CDH12: variants seen among roughly 807,000 people sequenced by gnomAD.
CDH12 encodes the protein cadherin 12, also known as cadherin-12.
In CDH12, 41 loss-of-function variants were observed where a neutral mutation model predicts 74.1. That is an observed-to-expected ratio of 0.55 (90% CI 0.43 to 0.72). CDH12 has a LOEUF of 0.72. CDH12 is among the 30% of genes least tolerant of loss of function. The probability of loss-of-function intolerance (pLI) is 0.00; values close to 1 mark genes in which losing one functional copy is unlikely to be tolerated. For synonymous variants in CDH12, 399 were observed against 355.0 expected, an observed-to-expected ratio of 1.12 and a Z score of -1.39; for missense variants, 945 against 977.2, an observed-to-expected ratio of 0.97 and a Z score of 0.44.
At chr5:22,314,360 G>T (rs896346472) in intron 3 of CDH12, among the ~76,000 whole-genome samples, 2 of 152,106 alleles carry the variant, frequency 1.3e-5, no homozygotes, top group African/African-American at 4.8e-5. Context: ...TTAAAAATGG[G>T]GCTTTTAGGG....
intron 1 of CDH12, among the ~76,000 whole-genome samples, chr5:22,595,220 T>C (rs530631047): frequency 1.2e-4 from 19 of 152,322 alleles, no homozygotes; most frequent in Non-Finnish European, 2.4e-4. Flanking sequence ...TTCATCTTTA[T>C]GATCAATTAA....
Position 22,680,129 on chromosome 5 carries a change from C to T in CDH12, c.-523+172929G>A, listed in dbSNP as rs565543141. Among the ~76,000 whole-genome samples, 4 of 152,132 alleles carry T rather than the reference C, an allele frequency of 2.6e-5. No individual in the cohort carries two copies. The South Asian group carries it at 8.3e-4, about 32-fold the overall frequency. ...GGGAAGGGAGAAGGGGCAGGATGGG[C>T]AACAAAGATTGTTTCTCTATTGGCT... On this transcript the variant is annotated intron_variant, in intron 1 of 14. Coordinates refer to ENST00000382254, the MANE Select transcript of CDH12 (RefSeq NM_004061.5).
intron 6 of CDH12, among the ~76,000 whole-genome samples, chr5:21,865,727 T>C (rs555550255): frequency 2.6e-5 from 4 of 152,242 alleles, no homozygotes; most frequent in African/African-American, 7.2e-5. Flanking sequence ...TGTAAGATCA[T>C]GGTAGCTTTC....
rs142522089 is a variant in CDH12 at position 22,616,222 on chromosome 5, T to C, written c.-522-110858A>G. Among the ~76,000 whole-genome samples, 361 of 152,124 alleles carry C rather than the reference T, an allele frequency of 2.4e-3. 3 individuals are homozygous for C. Among genetic ancestry groups the C allele is most frequent in the African/African-American group, 8.3e-3 (343 of 41,516 alleles). Reference sequence around the variant, plus strand: ...TGGAAAATAAAGGAGAGAGAGAGAATTAGGAGACATAGCAAAAAATGTAAT... The same window carrying C: ...TGGAAAATAAAGGAGAGAGAGAGAACTAGGAGACATAGCAAAAAATGTAAT... On this transcript the variant is annotated intron_variant, in intron 1 of 14. Coordinates refer to ENST00000382254, the MANE Select transcript of CDH12 (RefSeq NM_004061.5).
chr5:22,162,826 A>G (rs1580344342), intron 4 of CDH12, among the ~76,000 whole-genome samples: 1 of 150,882 alleles, frequency 6.6e-6, no homozygotes, highest in Non-Finnish European at 1.5e-5. Context: ...CTAGCTCTCA[A>G]TACACCCTAT....
intron 1 of CDH12, among the ~76,000 whole-genome samples, chr5:22,792,682 T>C (rs904888342): frequency 6.6e-6 from 1 of 152,140 alleles, no homozygotes; most frequent in African/African-American, 2.4e-5. Context: ...ATTTGGTGAA[T>C]TTGAGTCGGT....
At chr5:22,014,288 C>T (rs1221780002) in intron 5 of CDH12, among the ~76,000 whole-genome samples, 5 of 152,116 alleles carry the variant, frequency 3.3e-5, no homozygotes, top group Non-Finnish European at 5.9e-5. Context: ...GAGATTTGAT[C>T]TTATAATTGG....
intron 1 of CDH12, among the ~76,000 whole-genome samples, chr5:22,763,062 T>C (rs1246966615): frequency 6.6e-6 from 1 of 152,028 alleles, no homozygotes; most frequent in African/African-American, 2.4e-5. Flanking sequence ...CTTGATGCCA[T>C]ATGCCTAATA....
chr5:22,018,166 A>C (rs1737724023), intron 5 of CDH12, among the ~76,000 whole-genome samples: 1 of 152,152 alleles, frequency 6.6e-6, no homozygotes, highest in South Asian at 2.1e-4. Context: ...ATTAGTTTGA[A>C]GTACTTCAAT....
chr5:21,950,172 G>A (rs1755785854), intron 6 of CDH12, among the ~76,000 whole-genome samples: 1 of 152,076 alleles, frequency 6.6e-6, no homozygotes, highest in Admixed American at 6.6e-5. Flanking sequence ...ATGCTGTATA[G>A]GTTTGTAGCC....
intron 4 of CDH12, among the ~76,000 whole-genome samples, chr5:22,105,167 C>G (rs115677747): frequency 9.4e-4 from 143 of 152,144 alleles, no homozygotes; most frequent in African/African-American, 3.2e-3. Context: ...TCTCAGCTCA[C>G]TACAACCTCC....
chr5:22,795,451 C>T (rs1748146219), intron 1 of CDH12, among the ~76,000 whole-genome samples: 1 of 151,804 alleles, frequency 6.6e-6, no homozygotes, highest in Non-Finnish European at 1.5e-5. Flanking sequence ...AACAGATCTC[C>T]AGTATTTCTA....
At chr5:22,039,240 C>T (rs548812424) in intron 5 of CDH12, among the ~76,000 whole-genome samples, 114 of 152,182 alleles carry the variant, frequency 7.5e-4, no homozygotes, top group African/African-American at 2.7e-3. Context: ...ATATGCTGCT[C>T]CCTGGGCACA....
intron 3 of CDH12, among the ~76,000 whole-genome samples, chr5:22,255,047 C>T (rs1230352679): frequency 1.3e-5 from 2 of 151,884 alleles, no homozygotes; most frequent in Non-Finnish European, 2.9e-5. Flanking sequence ...CTTTCCACTA[C>T]TTTTCCAGCC....
chr5:21,839,446 A>C (rs772490936), intron 8 of CDH12, among the ~76,000 whole-genome samples: 1 of 152,130 alleles, frequency 6.6e-6, no homozygotes, highest in Non-Finnish European at 1.5e-5. Context: ...AAATGTGTAT[A>C]CTTATTGGGA....
chr5:22,622,434 C>T (rs1170192961), intron 1 of CDH12, among the ~76,000 whole-genome samples: 1 of 152,042 alleles, frequency 6.6e-6, no homozygotes, highest in Non-Finnish European at 1.5e-5. Context: ...CTGGGACCTG[C>T]TCCTGATTCC....
At chr5:22,643,278 T>C (rs1271409323) in intron 1 of CDH12, among the ~76,000 whole-genome samples, 1 of 152,180 alleles carries the variant, frequency 6.6e-6, no homozygotes, top group Non-Finnish European at 1.5e-5. Context: ...TGGTTTCACA[T>C]TAATGTCGAC....
At chr5:22,241,630 G>A (rs949956310) in intron 3 of CDH12, among the ~76,000 whole-genome samples, 1 of 151,858 alleles carries the variant, frequency 6.6e-6, no homozygotes, top group Non-Finnish European at 1.5e-5. Context: ...AAATCTTAGT[G>A]GAAGAATAAA....
chr5:22,652,439 T>C lies in CDH12; in HGVS notation c.-522-147075A>G, dbSNP rs528598848. Among the ~76,000 whole-genome samples, 5 of 152,302 alleles carry C rather than the reference T, an allele frequency of 3.3e-5. No individual in the cohort carries two copies. In the South Asian group the frequency reaches 6.2e-4, roughly 19 times the overall value. On this transcript the variant is annotated intron_variant, in intron 1 of 14. Transcript: ENST00000382254. ...GATTACATACTCTAGAACCAGGTCT[T>C]GAATGACAGGGTACTGTTTTCAGTA...
Sources: allele counts gnomAD v4.1 joint callset (sites outside exome capture counted in the v4.1 genomes callset), GRCh38; gene constraint gnomAD v4.1.1; transcripts MANE v1.5; gene names NCBI Gene and HGNC (gene_info 2026-07-23, HGNC 2026-07-21).